Variants in GPS1 observed in about 807,000 individuals in gnomAD.
GPS1 encodes the protein COP9 signalosome complex subunit 1.
A neutral mutation model predicts 60.0 loss-of-function variants in GPS1; 11 were observed. The observed-to-expected ratio is 0.18, with a 90% confidence interval of 0.12 to 0.30. GPS1 has a LOEUF of 0.30. Among genes scored for constraint, GPS1 ranks in the 10% least tolerant of loss-of-function variants. The probability of loss-of-function intolerance (pLI) is 1.00; values close to 1 mark genes in which losing one functional copy is unlikely to be tolerated. For missense variants in GPS1, 543 were observed against 669.2 expected, an observed-to-expected ratio of 0.81 and a Z score of 2.08; for synonymous variants, 343 against 269.8, an observed-to-expected ratio of 1.27 and a Z score of -2.66.
upstream of GPS1, chr17:82,051,265 G>T: frequency 7.4e-7 from 1 of 1,350,028 alleles, no homozygotes; most frequent in Admixed American, 3.5e-5. This position sits in a 1 kb window ranked among gnomAD's most constrained non-coding sequence, Gnocchi z 4.1. Flanking sequence ...GGCAGATCCC[G>T]CGGGCGCCGG....
At position 82,053,908 on chromosome 17, in the gene GPS1, G is replaced by A. The variant is rs1208774780; in HGVS notation, c.167G>A (p.Arg56His). 8 of 1,612,440 alleles carry A rather than the reference G, an allele frequency of 5.0e-6. No individual in the cohort carries two copies. Among genetic ancestry groups the A allele is most frequent in the South Asian group, 1.1e-5 (1 of 91,070 alleles). ...QYAASYSGLM[R>H]IERLQFIADH... Reference sequence around the variant, plus strand: ...GCGGCCAGCTACAGCGGCCTGATGCGCATCGAACGGCTGCAGTTCATTGCT... The same window carrying A: ...GCGGCCAGCTACAGCGGCCTGATGCACATCGAACGGCTGCAGTTCATTGCT... The change falls in exon 3 of 13, where the codon CGC (arginine) becomes CAC (histidine). Residue 56 changes from arginine to histidine, a missense_variant. Arg to His is a conservative substitution (Grantham distance 29). Coordinates refer to ENST00000578552, the MANE Select transcript of GPS1 (RefSeq NM_001321092.3).
intron 6 of GPS1, 26 bp from the exon 7 acceptor site, chr17:82,055,714 T>TCCCCCCC: frequency 3.9e-5 from 24 of 612,286 alleles, no homozygotes; most frequent in Non-Finnish European, 5.3e-5. Flanking sequence ...CTCTCCCCCC[T>TCCCCCCC]CCCCGCCCCC....
At chr17:82,054,283 G>A in intron 3 of GPS1, 1 of 746,812 alleles carries the variant, frequency 1.3e-6, no homozygotes, top group Middle Eastern at 3.9e-4. Context: ...TGTGGCTCAG[G>A]GGCCGCCTCC....
At chr17:82,055,140 C>T (rs966084458) in intron 5 of GPS1, 22 bp from the exon 6 acceptor site, 4 of 1,563,662 alleles carry the variant, frequency 2.6e-6, no homozygotes, top group Non-Finnish European at 3.5e-6. Flanking sequence ...ATGGGCCTCA[C>T]GCATGTGGCT....
chr17:82,052,368 C>T (rs1568040432), intron 1 of GPS1: 1 of 1,612,570 alleles, frequency 6.2e-7, no homozygotes. Context: ...TACTGCACCC[C>T]TCACAGCAGT....
rs2033030257 is a variant in GPS1, at chr17:82,057,211, G to A, written c.*84G>A. On this transcript the variant is annotated 3_prime_UTR_variant, in exon 13 of 13. Transcript: ENST00000578552. ...ACCTCCAGGCGGCTCAGTGCTGCCT[G>A]CGGCCCAGCTAAGGGGCCTGGCCAC... 6.4e-7 allele frequency: 1 copy of A among 1,553,844 alleles called. No homozygotes were observed. The highest frequency in any genetic ancestry group is 8.8e-7 in the Non-Finnish European group (1 of 1,133,170).
At chr17:82,055,581 G>A (rs2144585338) in intron 6 of GPS1, 159 bp from the exon 7 acceptor site, 2 of 621,496 alleles carry the variant, frequency 3.2e-6, no homozygotes, top group Non-Finnish European at 2.9e-6. Context: ...CGTGACTAGA[G>A]TATCTGTCCC....
chr17:82,055,020 C>G, intron 5 of GPS1, 45 bp downstream of exon 5: 1 of 1,609,078 alleles, frequency 6.2e-7, no homozygotes, highest in Non-Finnish European at 8.5e-7. Flanking sequence ...GATTCCTGAC[C>G]ACTGCTGGCC....
intron 5 of GPS1, 64 bp downstream of exon 5, chr17:82,055,039 C>T: frequency 6.3e-7 from 1 of 1,597,272 alleles, no homozygotes. Context: ...CCCCTCCTGT[C>T]CTCCCCCACC....
rs771415364 is a variant in GPS1 at position 82,057,284 on chromosome 17, C to G, written c.*157C>G. The G allele has an allele frequency of 2.1e-6, 2 of 972,580 alleles. No homozygotes were observed. The highest frequency in any genetic ancestry group is 1.4e-5 in the South Asian group (1 of 72,660). The allele number at this position is 972,580 out of a possible 1,614,324, so 60.2% of individuals were successfully genotyped here. A position where few individuals can be genotyped will look rare whatever the true frequency, so the allele number is the denominator to read the frequency against. On this transcript the variant is annotated 3_prime_UTR_variant, in exon 13 of 13. Transcript: ENST00000578552. Reference sequence around the variant, plus strand: ...CCCTCCCTGGGGCTGAGGAGGCAGGCGGCTGCTAGTTGTGGCCCTTCCTGG... The same window carrying G: ...CCCTCCCTGGGGCTGAGGAGGCAGGGGGCTGCTAGTTGTGGCCCTTCCTGG...
Position 82,055,143 on chromosome 17 carries a change from A to G in GPS1, c.688-19A>G, listed in dbSNP as rs1247157479. On this transcript the variant is annotated intron_variant, in intron 5 of 12. Coordinates refer to ENST00000578552, the MANE Select transcript of GPS1 (RefSeq NM_001321092.3). ...GAAATGTGGAGCATGGGCCTCACGCATGTGGCTTCCTCCTACAGCAGCGAG... is the reference window on the plus strand; with the variant it reads ...GAAATGTGGAGCATGGGCCTCACGCGTGTGGCTTCCTCCTACAGCAGCGAG... 5.1e-6 allele frequency: 8 copies of G among 1,564,104 alleles called. No individual in the cohort carries two copies. Among genetic ancestry groups the G allele is most frequent in the African/African-American group, 4.1e-5 (3 of 73,422 alleles).
At chr17:82,053,015 G>A (rs961198959) in intron 1 of GPS1, 6 of 329,430 alleles carry the variant, frequency 1.8e-5, no homozygotes, top group South Asian at 1.0e-4. Flanking sequence ...AGAGATGAGC[G>A]GCTAGAATCA....
At chr17:82,054,370 G>C (rs1568052286) in intron 3 of GPS1, 140 bp from the exon 4 acceptor site, 3 of 1,125,578 alleles carry the variant, frequency 2.7e-6, no homozygotes, top group Non-Finnish European at 1.2e-6. Flanking sequence ...CTGGTCCCTA[G>C]AGGTGGGGTT....
upstream of GPS1, chr17:82,051,772 C>T: frequency 9.0e-7 from 1 of 1,105,244 alleles, no homozygotes; most frequent in Non-Finnish European, 1.1e-6. The surrounding 1 kb of genome is among the most constrained non-coding windows in gnomAD (Gnocchi z 4.1). Flanking sequence ...CTCATGCGGC[C>T]GCCGGGACCC....
chr17:82,056,898 T>C lies in GPS1; in HGVS notation c.1313T>C (p.Met438Thr). 1.2e-6 allele frequency: 2 copies of C among 1,612,908 alleles called. No homozygotes were observed. Among genetic ancestry groups the C allele is most frequent in the Non-Finnish European group, 1.7e-6 (2 of 1,179,948 alleles). Residue 438 changes from methionine (M) to threonine (T), a missense_variant, in exon 12 of 13, where the codon ATG (methionine) becomes ACG (threonine). By Grantham distance (81) the Met-to-Thr change is moderately conservative. Coordinates refer to ENST00000578552, the MANE Select transcript of GPS1 (RefSeq NM_001321092.3). ...ACCACCTTTGAGAAGTCTCTGTTGA[T>C]GGGCAAGGAGTTCCAGCGCCGCGCC... ...RSTTFEKSLL[M>T]GKEFQRRAKA...
chr17:82,055,955 T>G (rs1598519930), intron 7 of GPS1, 46 bp from the exon 8 acceptor site: 2 of 1,461,290 alleles, frequency 1.4e-6, no homozygotes, highest in Non-Finnish European at 1.9e-6. Flanking sequence ...CAGGCAGGGG[T>G]GGCCTGGCCC....
chr17:82,055,006 C>T (rs1262207974), intron 5 of GPS1, 31 bp downstream of exon 5: 4 of 1,612,418 alleles, frequency 2.5e-6, no homozygotes, highest in Non-Finnish European at 3.4e-6. Context: ...GACCTTGCCC[C>T]CAGGATTCCT....
rs763139569 is a variant in GPS1 at position 82,056,036 on chromosome 17, C to T, written c.870C>T (p.Gly290=). Reference sequence around the variant, plus strand: ...CCAGCAACGTGGCCATCTACGGTGGCCTGTGCGCCTTGGCTACCTTTGACC... The same window carrying T: ...CCAGCAACGTGGCCATCTACGGTGGTCTGTGCGCCTTGGCTACCTTTGACC... The part of the protein sequence containing the change: ...LSPSNVAIYG[G]LCALATFDRQ... The change falls in exon 8 of 13, where the codon GGC becomes GGT. Residue 290 remains glycine, a synonymous_variant. Coordinates refer to ENST00000578552, the MANE Select transcript of GPS1 (RefSeq NM_001321092.3). 10 of 1,612,742 alleles carry T rather than the reference C, an allele frequency of 6.2e-6. No individual in the cohort carries two copies. Among genetic ancestry groups the T allele is most frequent in the Non-Finnish European group, 8.5e-6 (10 of 1,179,866 alleles).
chr17:82,054,798 C>T lies in GPS1; in HGVS notation c.597C>T (p.Leu199=). Residue 199 remains leucine, a synonymous_variant, in exon 4 of 13, where the codon CTC becomes CTT. Transcript: ENST00000578552. ...TSAKHVINMC[L]NVIKVSVYLQ... is the part of the protein sequence containing the mutation. ...CCAAACACGTCATCAACATGTGCCT[C>T]AATGTCATCAAGGTCGGCCTGCCTC... 4 of 1,600,498 alleles carry T rather than the reference C, an allele frequency of 2.5e-6. No homozygotes were observed. The highest frequency in any genetic ancestry group is 3.4e-6 in the Non-Finnish European group (4 of 1,172,020).
Sources: gnomAD v4.1 joint callset for allele counts on GRCh38, gnomAD v4.1.1 for gene constraint, Gnocchi (gnomAD v3.1) non-coding constraint, MANE v1.5 for transcripts, NCBI Gene and HGNC (gene_info 2026-07-23, HGNC 2026-07-21) for gene names.